Variants in CYFIP2 observed in about 807,000 individuals in gnomAD.
The protein encoded by CYFIP2 is cytoplasmic FMR1-interacting protein 2.
Under a neutral mutation model 158.7 loss-of-function variants are expected in CYFIP2, and 29 were observed. The ratio of observed to expected loss-of-function variants is 0.18; its 90% confidence interval spans 0.14 to 0.25. The LOEUF (loss-of-function observed/expected upper bound fraction) is 0.25, where lower values mean the gene tolerates loss of function less well. CYFIP2 is among the 10% of genes least tolerant of loss of function. The probability of loss-of-function intolerance (pLI) is 1.00; values close to 1 mark genes in which losing one functional copy is unlikely to be tolerated. For synonymous variants in CYFIP2, 585 were observed against 617.6 expected, an observed-to-expected ratio of 0.95 and a Z score of 0.78; for missense variants, 852 against 1,639.5, an observed-to-expected ratio of 0.52 and a Z score of 8.29.
intron 20 of CYFIP2, among the ~76,000 whole-genome samples, chr5:157,332,060 C>G (rs2113183728): frequency 6.6e-6 from 1 of 152,344 alleles, no homozygotes; most frequent in African/African-American, 2.4e-5. Context: ...GCTGAGGCAG[C>G]TGCTGTGCCC....
In CYFIP2 at chr5:157,361,250, T is replaced by C. The variant is rs1268355846; in HGVS notation, c.2909-218T>C. ...TTGTGTGTGTGTGCATGTGTGTGCG[T>C]GTGTGTGTTCTGAAAAAGACATGAG... On this transcript the variant is annotated intron_variant, in intron 25 of 30. Transcript: ENST00000620254. This position sits in a 1 kb window ranked among gnomAD's most constrained non-coding sequence, Gnocchi z 4.4. Among the ~76,000 whole-genome samples the C allele has an allele frequency of 6.6e-6, 1 of 152,108 alleles. No individual in the cohort carries two copies. Among genetic ancestry groups the C allele is most frequent in the African/African-American group, 2.4e-5 (1 of 41,426 alleles).
At chr5:157,359,185 A>C (rs1763626090) in intron 24 of CYFIP2, 37 bp downstream of exon 24, 1 of 1,609,448 alleles carries the variant, frequency 6.2e-7, no homozygotes, top group Non-Finnish European at 8.5e-7. Context: ...AGATATGCCC[A>C]TGTGGGTTTG....
chr5:157,302,366 T>A (rs1424528721), intron 6 of CYFIP2, among the ~76,000 whole-genome samples: 1 of 152,200 alleles, frequency 6.6e-6, no homozygotes, highest in Non-Finnish European at 1.5e-5. Context: ...GAAGTTTTCC[T>A]GTAAATAACA....
At position 157,300,824 on chromosome 5, in the gene CYFIP2, A is replaced by G. The variant is rs369872275; in HGVS notation, c.497A>G (p.Asn166Ser). 1 of 1,613,240 alleles carries G rather than the reference A, an allele frequency of 6.2e-7. No individual in the cohort carries two copies. Among genetic ancestry groups the G allele is most frequent in the Non-Finnish European group, 8.5e-7 (1 of 1,179,402 alleles). Residue 166 changes from asparagine to serine, a missense_variant, in exon 6 of 31, where the codon AAC (asparagine) becomes AGC (serine). By Grantham distance (46) the Asn-to-Ser change is conservative. Coordinates refer to ENST00000620254, the MANE Select transcript of CYFIP2 (RefSeq NM_001037333.3). ...AYLLTLGKFI[N>S]MFAVLDELKN... is the part of the protein sequence containing the mutation. ...CTCCTGACCCTTGGCAAGTTCATCA[A>G]CATGTTTGCTGTCCTGGATGAGCTA...
chr5:157,346,262 TG>T (rs1381110708), intron 23 of CYFIP2, among the ~76,000 whole-genome samples: 2 of 152,126 alleles, frequency 1.3e-5, no homozygotes, highest in African/African-American at 4.8e-5. Flanking sequence ...CTGTCAAGCT[TG>T]CTAAACCATC....
At chr5:157,374,495 A>G (rs544878609) in intron 26 of CYFIP2, among the ~76,000 whole-genome samples, 2 of 152,254 alleles carry the variant, frequency 1.3e-5, no homozygotes, top group East Asian at 3.9e-4. Flanking sequence ...AAATAAGCAC[A>G]AACCCTGACA....
intron 21 of CYFIP2, among the ~76,000 whole-genome samples, chr5:157,334,410 T>A (rs1413018372): frequency 1.3e-5 from 2 of 152,286 alleles, no homozygotes; most frequent in East Asian, 3.9e-4. Flanking sequence ...TTTATGTACA[T>A]CTTACCACAA....
rs983997718 is a variant in CYFIP2, at chr5:157,288,068, G to A, written c.207+960G>A. Among the ~76,000 whole-genome samples the A allele has an allele frequency of 3.3e-5, 5 of 152,124 alleles. No individual in the cohort carries two copies. In the East Asian group the frequency reaches 5.8e-4, roughly 18 times the overall value. On this transcript the variant is annotated intron_variant, in intron 3 of 30. Transcript: ENST00000620254. Reference sequence around the variant, plus strand: ...TGATCGTATCACTGCATTCCAGCCTGGGCAACAGAGCAAGACCCTATCTCA... The same window carrying A: ...TGATCGTATCACTGCATTCCAGCCTAGGCAACAGAGCAAGACCCTATCTCA...
intron 23 of CYFIP2, among the ~76,000 whole-genome samples, chr5:157,354,156 G>A (rs139609206): frequency 2.4e-4 from 36 of 152,120 alleles, no homozygotes; most frequent in Non-Finnish European, 4.0e-4. Flanking sequence ...GCAGGTCTGC[G>A]TCACACAGTA....
chr5:157,391,040 G>C (rs1767230439), intron 30 of CYFIP2, among the ~76,000 whole-genome samples: 1 of 152,142 alleles, frequency 6.6e-6, no homozygotes, highest in African/African-American at 2.4e-5. Flanking sequence ...GGCTGCTATG[G>C]GAAGGGAGAG....
At chr5:157,323,900 C>A in intron 15 of CYFIP2, 21 bp from the exon 16 acceptor site, 2 of 1,533,034 alleles carry the variant, frequency 1.3e-6, no homozygotes, top group East Asian at 2.4e-5. Context: ...CTGACCTTCT[C>A]ATCTTGCTTT....
intron 13 of CYFIP2, among the ~76,000 whole-genome samples, chr5:157,319,326 T>C (rs1257811538): frequency 2.1e-4 from 32 of 152,228 alleles, no homozygotes; most frequent in Admixed American, 2.1e-3. Flanking sequence ...AAAAATTCTT[T>C]AGAAAATTTT....
chr5:157,289,141 C>A (rs1303481391), intron 3 of CYFIP2, among the ~76,000 whole-genome samples: 2 of 152,182 alleles, frequency 1.3e-5, no homozygotes, highest in African/African-American at 4.8e-5. Context: ...AATCACAGGA[C>A]TGGACCTGAA....
intron 5 of CYFIP2, among the ~76,000 whole-genome samples, chr5:157,299,022 A>G (rs1758488671): frequency 1.3e-5 from 2 of 152,158 alleles, no homozygotes; most frequent in African/African-American, 4.8e-5. Flanking sequence ...ACAAACATTG[A>G]TCGTTCACGT....
intron 23 of CYFIP2, among the ~76,000 whole-genome samples, chr5:157,354,672 A>C (rs964136675): frequency 1.3e-5 from 2 of 152,064 alleles, no homozygotes; most frequent in Non-Finnish European, 1.5e-5. Context: ...TGGACCATCA[A>C]CTGAAGCCTA....
intron 18 of CYFIP2, 92 bp from the exon 19 acceptor site, chr5:157,327,881 C>A (rs1419918183): frequency 8.1e-7 from 1 of 1,237,560 alleles, no homozygotes; most frequent in Non-Finnish European, 1.2e-6. Flanking sequence ...GCACTCTGGG[C>A]AATCCTGCCT....
At chr5:157,279,549 G>A (rs540347575) in intron 1 of CYFIP2, among the ~76,000 whole-genome samples, 50 of 151,698 alleles carry the variant, frequency 3.3e-4, no homozygotes, top group African/African-American at 1.2e-3. Context: ...ATGTCTGCCT[G>A]GGGGGGCACC....
rs1232607895 is a variant in CYFIP2, at chr5:157,323,863, T to TC, written c.1672-58_1672-57insC. The TC allele has an allele frequency of 2.8e-6, 4 of 1,434,954 alleles. No individual in the cohort carries two copies. The South Asian group carries it at 6.0e-5, about 21-fold the overall frequency. The allele number at this position is 1,434,954 out of a possible 1,614,324, so 88.9% of individuals were successfully genotyped here. On this transcript the variant is annotated intron_variant, in intron 15 of 30. Coordinates refer to ENST00000620254, the MANE Select transcript of CYFIP2 (RefSeq NM_001037333.3). ...TACATAAATACAACATGAAGCAACC[T>TC]TTTTCCCCGGGGTAGAGGGCCAGCT...
intron 29 of CYFIP2, chr5:157,389,680 T>C (rs1767073184): frequency 2.6e-6 from 1 of 384,832 alleles, no homozygotes; most frequent in Non-Finnish European, 4.7e-6. Context: ...TTAGGAGTCC[T>C]TAGAGCAGAC....
Sources: allele counts gnomAD v4.1 joint callset (sites outside exome capture counted in the v4.1 genomes callset), GRCh38; gene constraint gnomAD v4.1.1; non-coding constraint Gnocchi (gnomAD v3.1); transcripts MANE v1.5; gene names NCBI Gene and HGNC (gene_info 2026-07-23, HGNC 2026-07-21).